The following MACROD2 variants were observed in gnomAD, a reference collection of about 807,000 sequenced individuals.
MACROD2 encodes mono-ADP ribosylhydrolase 2, also known as ADP-ribose glycohydrolase MACROD2.
MACROD2 carries 36 observed loss-of-function variants against 70.4 expected under a neutral mutation model. The ratio of observed to expected loss-of-function variants is 0.51; its 90% CI spans 0.39 to 0.68. The LOEUF (loss-of-function observed/expected upper bound fraction) is 0.68, where lower values mean the gene tolerates loss of function less well. Ranked by LOEUF, MACROD2 falls within the 30% of genes least tolerant of loss-of-function variation. MACROD2 has a pLI of 0.00. For synonymous variants in MACROD2, 172 were observed against 178.8 expected, an observed-to-expected ratio of 0.96 and a Z score of 0.30; for missense variants, 496 against 538.4, an observed-to-expected ratio of 0.92 and a Z score of 0.78.
chr20:15,320,712 CAT>C (rs1600238398), intron 6 of MACROD2, among the ~76,000 whole-genome samples: 1 of 152,064 alleles, frequency 6.6e-6, no homozygotes, highest in East Asian at 1.9e-4. Flanking sequence ...AGTAGGGAAA[CAT>C]TATCTATGGT....
chr20:14,972,472 A>G (rs1276720496), intron 5 of MACROD2, among the ~76,000 whole-genome samples: 1 of 152,174 alleles, frequency 6.6e-6, no homozygotes, highest in Admixed American at 6.5e-5. Context: ...ACTCAGCAGC[A>G]CTACAACACT....
chr20:14,048,151 T>C (rs1345267632), intron 2 of MACROD2, among the ~76,000 whole-genome samples: 1 of 152,156 alleles, frequency 6.6e-6, no homozygotes, highest in Non-Finnish European at 1.5e-5. Flanking sequence ...TCAGAGATAA[T>C]GATTATTGCC....
chr20:14,753,377 A>G (rs1257239377), intron 5 of MACROD2, among the ~76,000 whole-genome samples: 2 of 152,122 alleles, frequency 1.3e-5, no homozygotes, highest in East Asian at 3.8e-4. Flanking sequence ...AGGACCTGGT[A>G]CATAAAATAT....
chr20:14,929,875 G>C lies in MACROD2; in HGVS notation c.418+244916G>C, dbSNP rs1260583066. Among the ~76,000 whole-genome samples the C allele has an allele frequency of 2.0e-5, 3 of 152,086 alleles. No individual in the cohort carries two copies. The East Asian group carries it at 5.8e-4, about 29-fold the overall frequency. On this transcript the variant is annotated intron_variant, in intron 5 of 17. Transcript: ENST00000684519. ...CACCCCATCACTTAGAAATTTACAT[G>C]AGTTTGCTGGGCGCGGTATCTCACG...
At chr20:15,601,114 ACT>A (rs796896232) in intron 8 of MACROD2, among the ~76,000 whole-genome samples, 16 of 152,300 alleles carry the variant, frequency 1.1e-4, no homozygotes, top group African/African-American at 3.9e-4. Flanking sequence ...CAGGAAGGTA[ACT>A]CAATTCAGGA....
At chr20:15,884,542 C>A (rs1242819890) in intron 9 of MACROD2, among the ~76,000 whole-genome samples, 1 of 151,932 alleles carries the variant, frequency 6.6e-6, no homozygotes, top group African/African-American at 2.4e-5. Flanking sequence ...CAGATCAGAG[C>A]TGTATTTTAA....
intron 8 of MACROD2, among the ~76,000 whole-genome samples, chr20:15,510,361 C>T (rs988948135): frequency 2.0e-5 from 3 of 152,142 alleles, no homozygotes; most frequent in African/African-American, 7.2e-5. Flanking sequence ...GAAAAAGAAA[C>T]CTTTTCCTTG....
At chr20:15,616,989 A>G (rs1346978274) in intron 8 of MACROD2, among the ~76,000 whole-genome samples, 1 of 152,190 alleles carries the variant, frequency 6.6e-6, no homozygotes, top group African/African-American at 2.4e-5. Flanking sequence ...GTTAGTATCC[A>G]TCTCCTTAGC....
chr20:14,944,793 G>A (rs1265928021), intron 5 of MACROD2, among the ~76,000 whole-genome samples: 1 of 152,106 alleles, frequency 6.6e-6, no homozygotes, highest in Non-Finnish European at 1.5e-5. Context: ...TTGCCCATAA[G>A]CCACTGAGAA....
intron 8 of MACROD2, among the ~76,000 whole-genome samples, chr20:15,775,375 T>C (rs980209552): frequency 1.1e-4 from 17 of 152,086 alleles, no homozygotes; most frequent in African/African-American, 3.9e-4. Context: ...TGTTCTCTTA[T>C]CAGCCAAAAA....
chr20:14,967,979 T>C (rs12480906), intron 5 of MACROD2, among the ~76,000 whole-genome samples: 21,360 of 152,028 alleles, frequency 0.14, 1,800 homozygotes, highest in East Asian at 0.33. Context: ...TTATTAAGGG[T>C]ATAGGACAGT....
chr20:14,356,245 A>T (rs185527445), intron 3 of MACROD2, among the ~76,000 whole-genome samples: 1 of 152,308 alleles, frequency 6.6e-6, no homozygotes, highest in East Asian at 1.9e-4. Flanking sequence ...AAACTGAATT[A>T]TTGTGTTTAA....
intron 4 of MACROD2, among the ~76,000 whole-genome samples, chr20:14,666,885 T>G (rs1317420420): frequency 6.6e-6 from 1 of 151,794 alleles, no homozygotes; most frequent in Non-Finnish European, 1.5e-5. Flanking sequence ...TATAACTCTT[T>G]CTGTGATGGT....
chr20:14,828,488 T>G (rs1286463401), intron 5 of MACROD2, among the ~76,000 whole-genome samples: 1 of 152,136 alleles, frequency 6.6e-6, no homozygotes, highest in Non-Finnish European at 1.5e-5. Flanking sequence ...TTTGAGTGCT[T>G]ACTATGCATT....
chr20:15,485,970 A>ATTT (rs1295626824), intron 7 of MACROD2, among the ~76,000 whole-genome samples: 1 of 152,156 alleles, frequency 6.6e-6, no homozygotes, highest in African/African-American at 2.4e-5. Flanking sequence ...TGATTTAAAG[A>ATTT]AACGTATCCA....
At chr20:15,984,744 T>C (rs892874129) in intron 13 of MACROD2, among the ~76,000 whole-genome samples, 1 of 152,206 alleles carries the variant, frequency 6.6e-6, no homozygotes, top group African/African-American at 2.4e-5. Context: ...TGTTAACTTT[T>C]AGCAAACTTC....
chr20:15,147,230 G>T (rs751257199), intron 5 of MACROD2, among the ~76,000 whole-genome samples: 1 of 152,074 alleles, frequency 6.6e-6, no homozygotes, highest in Non-Finnish European at 1.5e-5. Flanking sequence ...TTTTCAAATG[G>T]TGCTGTCATC....
At position 15,345,956 on chromosome 20, in the gene MACROD2, T is replaced by C. The variant is rs1177068214; in HGVS notation, c.541-85449T>C. 5.9e-5 allele frequency among the ~76,000 whole-genome samples: 9 copies of C among 152,260 alleles called. No homozygotes were observed. In the South Asian group the frequency reaches 1.7e-3, roughly 28 times the overall value. On this transcript the variant is annotated intron_variant, in intron 6 of 17. Transcript: ENST00000684519. ...GCATAGCCAAGTAGGGAGACCTAGA[T>C]TCCTGGAGATGATGTCAATAGGTGG...
intron 6 of MACROD2, among the ~76,000 whole-genome samples, chr20:15,343,072 C>A (rs6079770): frequency 6.6e-6 from 1 of 152,148 alleles, no homozygotes; most frequent in Non-Finnish European, 1.5e-5. Context: ...CCAGATGCAC[C>A]TAGGAATTGC....
Sources: allele counts gnomAD v4.1 joint callset (sites outside exome capture counted in the v4.1 genomes callset), GRCh38; gene constraint gnomAD v4.1.1; transcripts MANE v1.5; gene names NCBI Gene and HGNC (gene_info 2026-07-23, HGNC 2026-07-21).